CSMD1: variants seen among roughly 807,000 people sequenced by gnomAD.
The protein encoded by CSMD1 is CUB and sushi domain-containing protein 1.
A neutral mutation model predicts 417.5 loss-of-function variants in CSMD1; 213 were observed. The observed-to-expected ratio is 0.51, with a 90% CI of 0.46 to 0.57. CSMD1 has a LOEUF of 0.57. Among genes scored for constraint, CSMD1 ranks in the 20% least tolerant of loss-of-function variants. The pLI, the probability that CSMD1 is intolerant of heterozygous loss-of-function variation, is 0.00. For synonymous variants in CSMD1, 2,862 were observed against 1,736.8 expected (o/e 1.65, Z -16.11); for missense variants, 6,923 against 4,529.7 (o/e 1.53, Z -15.17).
At chr8:3,845,720 T>C (rs1403570352) in intron 5 of CSMD1, among the ~76,000 whole-genome samples, 1 of 152,200 alleles carries the variant, frequency 6.6e-6, no homozygotes, top group Admixed American at 6.5e-5. Flanking sequence ...AGTTTTTGAT[T>C]TTTCATCTTT....
chr8:4,262,725 C>G (rs1391046846), intron 3 of CSMD1, among the ~76,000 whole-genome samples: 2 of 152,138 alleles, frequency 1.3e-5, no homozygotes, highest in Admixed American at 6.5e-5. Context: ...AAATCCACTT[C>G]CCTTTTGGCC....
At chr8:4,074,989 C>G (rs1261923554) in intron 3 of CSMD1, among the ~76,000 whole-genome samples, 2 of 152,062 alleles carry the variant, frequency 1.3e-5, no homozygotes, top group African/African-American at 2.4e-5. Flanking sequence ...GGGATATGAA[C>G]TCTACAAATG....
intron 5 of CSMD1, among the ~76,000 whole-genome samples, chr8:3,788,245 C>T (rs1422666231): frequency 6.6e-6 from 1 of 152,184 alleles, no homozygotes; most frequent in African/African-American, 2.4e-5. Context: ...TGCATTTAAA[C>T]AAGATGGAGC....
chr8:4,779,414 T>C (rs1307090997), intron 1 of CSMD1, among the ~76,000 whole-genome samples: 4 of 152,184 alleles, frequency 2.6e-5, no homozygotes, highest in South Asian at 2.1e-4. Context: ...ACCAGCAACA[T>C]TACCCCTGTG....
intron 10 of CSMD1, among the ~76,000 whole-genome samples, chr8:3,574,344 G>A (rs898173856): frequency 2.6e-5 from 4 of 152,208 alleles, no homozygotes; most frequent in Non-Finnish European, 4.4e-5. Flanking sequence ...GGGTTCAAGC[G>A]ATTCCTGGGC....
chr8:3,641,803 G>C (rs1239546598), intron 7 of CSMD1, among the ~76,000 whole-genome samples: 1 of 152,210 alleles, frequency 6.6e-6, no homozygotes, highest in Admixed American at 6.5e-5. Flanking sequence ...AAAACCATCT[G>C]TTGTGACCTT....
chr8:4,007,088 T>A (rs1816186044), intron 4 of CSMD1, among the ~76,000 whole-genome samples: 1 of 152,104 alleles, frequency 6.6e-6, no homozygotes, highest in Non-Finnish European at 1.5e-5. Flanking sequence ...TCCAGCCACC[T>A]CGGCCTCCCA....
rs57837621 is a variant in CSMD1 at position 3,980,461 on chromosome 8, T to G, written c.818+17442A>C. ...TTCACATCTTACACGTTTGTGAAGA[T>G]TTTTTTTTGCCAAACTTCCTCACAA... On this transcript the variant is annotated intron_variant, in intron 5 of 69. Transcript: ENST00000635120. 4.6e-5 allele frequency among the ~76,000 whole-genome samples: 7 copies of G among 151,750 alleles called. No homozygotes were observed. In the South Asian group the frequency reaches 6.2e-4, roughly 14 times the overall value.
At chr8:4,180,320 T>G (rs986852122) in intron 3 of CSMD1, among the ~76,000 whole-genome samples, 2 of 151,074 alleles carry the variant, frequency 1.3e-5, no homozygotes. Context: ...AGTAAACTAT[T>G]GCAAGGACAA....
intron 3 of CSMD1, among the ~76,000 whole-genome samples, chr8:4,290,374 C>A (rs59849774): frequency 2.6e-5 from 4 of 152,024 alleles, no homozygotes; most frequent in Non-Finnish European, 5.9e-5. Flanking sequence ...GGGAGAGAAG[C>A]CCAAAGACGT....
chr8:3,462,862 C>A (rs1816593858), intron 12 of CSMD1, among the ~76,000 whole-genome samples: 1 of 152,140 alleles, frequency 6.6e-6, no homozygotes, highest in Non-Finnish European at 1.5e-5. Flanking sequence ...TGAAACCTAA[C>A]CTCAAATTTG....
intron 11 of CSMD1, among the ~76,000 whole-genome samples, chr8:3,489,215 G>C (rs375779132): frequency 6.6e-6 from 1 of 152,180 alleles, no homozygotes; most frequent in Non-Finnish European, 1.5e-5. Context: ...CTGGGAGCAA[G>C]AAGTAGATTC....
At chr8:4,052,291 T>C (rs1048129076) in intron 3 of CSMD1, among the ~76,000 whole-genome samples, 3 of 152,182 alleles carry the variant, frequency 2.0e-5, no homozygotes, top group African/African-American at 7.2e-5. Flanking sequence ...GGCAAAAGAT[T>C]AGAGAAGAAC....
intron 1 of CSMD1, among the ~76,000 whole-genome samples, chr8:4,870,707 A>G (rs1802687539): frequency 6.6e-6 from 1 of 152,112 alleles, no homozygotes; most frequent in South Asian, 2.1e-4. Flanking sequence ...TCACGGGACA[A>G]AGCCAGCCTT....
intron 2 of CSMD1, among the ~76,000 whole-genome samples, chr8:4,507,562 G>C (rs1483192792): frequency 1.3e-5 from 2 of 152,136 alleles, no homozygotes; most frequent in East Asian, 3.8e-4. Context: ...CTTATGCATG[G>C]ACATGCATGT....
rs554637114 is a variant in CSMD1, at chr8:3,271,035, G to C, written c.4153+13109C>G. On this transcript the variant is annotated intron_variant, in intron 26 of 69. Coordinates refer to ENST00000635120, the MANE Select transcript of CSMD1 (RefSeq NM_033225.6). ...GCTGGTGCGCTGCACCCACTAACTT[G>C]TCATCTAGCAATAGGTATATCTCCC... Among the ~76,000 whole-genome samples the C allele has an allele frequency of 4.6e-4, 70 of 151,594 alleles. 1 individual carries two copies. The highest frequency in any genetic ancestry group is 1.7e-3 in the African/African-American group (70 of 41,262).
At chr8:3,570,218 G>C (rs1397292591) in intron 10 of CSMD1, among the ~76,000 whole-genome samples, 4 of 152,198 alleles carry the variant, frequency 2.6e-5, no homozygotes, top group African/African-American at 9.7e-5. Context: ...TACTGTGATT[G>C]GAATCACATC....
intron 51 of CSMD1, among the ~76,000 whole-genome samples, chr8:3,025,819 T>C (rs575567151): frequency 2.0e-5 from 3 of 152,358 alleles, no homozygotes; most frequent in African/African-American, 2.4e-5. Context: ...GTGTTACTTA[T>C]GTGAGCATGT....
intron 5 of CSMD1, among the ~76,000 whole-genome samples, chr8:3,759,256 AGACC>A (rs1184654799): frequency 3.9e-5 from 6 of 152,352 alleles, no homozygotes; most frequent in African/African-American, 1.2e-4. Flanking sequence ...TGGCTTAAAA[AGACC>A]AAAACAGAAA....
Sources: gnomAD v4.1 joint callset for allele counts (sites outside exome capture counted in the v4.1 genomes callset) on GRCh38, gnomAD v4.1.1 for gene constraint, MANE v1.5 for transcripts, NCBI Gene and HGNC (gene_info 2026-07-23, HGNC 2026-07-21) for gene names.